ZNF644: variants seen among roughly 807,000 people sequenced by gnomAD.
The protein encoded by ZNF644 is zinc finger protein 644.
ZNF644 carries 20 observed loss-of-function variants against 108.0 expected under a neutral mutation model. The ratio of observed to expected loss-of-function variants is 0.19; its 90% CI spans 0.13 to 0.27. The LOEUF (loss-of-function observed/expected upper bound fraction) is 0.27. ZNF644 is among the 10% of genes least tolerant of loss of function. ZNF644 has a pLI of 1.00. For missense variants in ZNF644, 1,338 were observed against 1,548.9 expected, an observed-to-expected ratio of 0.86 and a Z score of 2.29; for synonymous variants, 542 against 539.1, an observed-to-expected ratio of 1.01 and a Z score of -0.08.
intron 2 of ZNF644, among the ~76,000 whole-genome samples, chr1:90,976,479 A>G (rs1000008657): frequency 1.3e-5 from 2 of 152,226 alleles, no homozygotes; most frequent in Non-Finnish European, 2.9e-5. Flanking sequence ...ATAGAAGGCT[A>G]AAGTATAGCC....
At chr1:91,021,720 G>A (rs1167609410) in intron 1 of ZNF644, 1 of 148,134 alleles carries the variant, frequency 6.8e-6, no homozygotes, top group East Asian at 1.7e-4. Context: ...CGACCGCCGC[G>A]GCCGCCGCCT....
chr1:90,930,639 T>C (rs943348182), intron 4 of ZNF644, among the ~76,000 whole-genome samples: 1 of 152,182 alleles, frequency 6.6e-6, no homozygotes. Flanking sequence ...AGCATTAATT[T>C]TTCACAACAA....
intron 2 of ZNF644, among the ~76,000 whole-genome samples, chr1:90,961,669 G>A (rs1296772297): frequency 6.6e-6 from 1 of 152,038 alleles, no homozygotes; most frequent in Non-Finnish European, 1.5e-5. Context: ...GTTCTGGAAT[G>A]TATATTTTTC....
At chr1:90,966,262 C>A (rs1053642839) in intron 2 of ZNF644, among the ~76,000 whole-genome samples, 1 of 152,112 alleles carries the variant, frequency 6.6e-6, no homozygotes, top group Non-Finnish European at 1.5e-5. Context: ...TCTCTATGCC[C>A]CTCTCTGCTG....
intron 4 of ZNF644, among the ~76,000 whole-genome samples, chr1:90,929,823 T>C (rs1328278639): frequency 6.6e-6 from 1 of 152,222 alleles, no homozygotes; most frequent in Middle Eastern, 3.2e-3. Context: ...CTACTACGAT[T>C]ACACTTAAAA....
chr1:90,996,737 T>C (rs1253406398), intron 1 of ZNF644, among the ~76,000 whole-genome samples: 1 of 152,188 alleles, frequency 6.6e-6, no homozygotes, highest in Non-Finnish European at 1.5e-5. Context: ...GCTATGACCA[T>C]GCCACTGCAC....
At position 90,916,448 on chromosome 1, in the gene ZNF644, G is replaced by C. The variant is rs1459744425; in HGVS notation, c.*350C>G. 1 of 229,682 alleles carries C rather than the reference G, an allele frequency of 4.4e-6. No homozygotes were observed. Among genetic ancestry groups the C allele is most frequent in the African/African-American group, 2.3e-5 (1 of 43,068 alleles). 14.2% of individuals were successfully genotyped at this position (229,682 alleles called of 1,614,324 possible). ...GCAAGTCTTGTGGGGAATAAACAGA[G>C]CCTTGATTCTGGTAACACTGCAAAA... On this transcript the variant is annotated 3_prime_UTR_variant, in exon 6 of 6. Coordinates refer to ENST00000337393, the MANE Select transcript of ZNF644 (RefSeq NM_201269.3).
intron 4 of ZNF644, among the ~76,000 whole-genome samples, chr1:90,927,322 G>T (rs565371003): frequency 6.6e-6 from 1 of 152,264 alleles, no homozygotes; most frequent in South Asian, 2.1e-4. Context: ...ACAGTTGGAG[G>T]TGAAAAAAGT....
rs568875630 is a variant in ZNF644, at chr1:91,010,974, G to A, written c.-18+11016C>T. Among the ~76,000 whole-genome samples the A allele has an allele frequency of 1.2e-3, 181 of 152,244 alleles. 1 individual carries two copies. The highest frequency in any genetic ancestry group is 4.3e-3 in the African/African-American group (178 of 41,552). ...GTAAACATAGAACACAAACTTGAGT[G>A]TATTTTTTTCTACATAGTCAGTTCT... On this transcript the variant is annotated intron_variant, in intron 1 of 5. Transcript: ENST00000337393.
intron 1 of ZNF644, among the ~76,000 whole-genome samples, chr1:91,013,686 T>C (rs768851262): frequency 1.3e-5 from 2 of 152,162 alleles, no homozygotes; most frequent in Non-Finnish European, 2.9e-5. Flanking sequence ...CTATACCCCA[T>C]AGGACTTACT....
chr1:90,996,027 A>T (rs908767802), intron 1 of ZNF644, among the ~76,000 whole-genome samples: 9 of 152,180 alleles, frequency 5.9e-5, no homozygotes, highest in Non-Finnish European at 1.2e-4. Context: ...CAGACACATA[A>T]ATACTGCACA....
chr1:90,922,585 C>CT (rs1649581052), intron 4 of ZNF644, among the ~76,000 whole-genome samples: 1 of 151,904 alleles, frequency 6.6e-6, no homozygotes, highest in Non-Finnish European at 1.5e-5. Flanking sequence ...AAACTCAACT[C>CT]TTTTTTTTAA....
rs1660400816 is a variant in ZNF644 at position 91,016,033 on chromosome 1, T to C, written c.-18+5957A>G. Among the ~76,000 whole-genome samples the C allele has an allele frequency of 2.6e-5, 4 of 152,322 alleles. No individual in the cohort carries two copies. In the South Asian group the frequency reaches 8.3e-4, roughly 32 times the overall value. On this transcript the variant is annotated intron_variant, in intron 1 of 5. Coordinates refer to ENST00000337393, the MANE Select transcript of ZNF644 (RefSeq NM_201269.3). ...TAAATCTGAACCCTGTCAATTTTAC[T>C]TCAAGGCTTACACTTTCAAACTTTA...
chr1:91,001,149 A>C (rs1168568058), intron 1 of ZNF644, among the ~76,000 whole-genome samples: 2 of 152,210 alleles, frequency 1.3e-5, no homozygotes, highest in African/African-American at 2.4e-5. Flanking sequence ...TATTCCAATC[A>C]ATAGGAAAAG....
rs143107360 is a variant in ZNF644 at position 90,943,974 on chromosome 1, C to T, written c.45-2665G>A. 2.0e-3 allele frequency among the ~76,000 whole-genome samples: 311 copies of T among 152,274 alleles called. 1 individual carries two copies. Among genetic ancestry groups the T allele is most frequent in the African/African-American group, 6.9e-3 (288 of 41,554 alleles). Reference sequence around the variant, plus strand: ...CTTGAAAGACAGTTACTTTCCTTTCCGTTCCCACTTATTATAATCACAGAG... The same window carrying T: ...CTTGAAAGACAGTTACTTTCCTTTCTGTTCCCACTTATTATAATCACAGAG... On this transcript the variant is annotated intron_variant, in intron 2 of 5. Transcript: ENST00000337393.
chr1:90,994,144 G>A (rs1657900771), intron 1 of ZNF644, among the ~76,000 whole-genome samples: 1 of 152,184 alleles, frequency 6.6e-6, no homozygotes, highest in African/African-American at 2.4e-5. Flanking sequence ...TGAATCCTCA[G>A]TGGAAACAGT....
intron 1 of ZNF644, among the ~76,000 whole-genome samples, chr1:90,983,500 AAG>A (rs1178062081): frequency 4.6e-5 from 7 of 151,128 alleles, no homozygotes; most frequent in South Asian, 2.1e-4. Flanking sequence ...AAAAAAAAAA[AAG>A]AAGAAGTCTT....
At chr1:90,930,125 A>C (rs1298317930) in intron 4 of ZNF644, among the ~76,000 whole-genome samples, 3 of 152,198 alleles carry the variant, frequency 2.0e-5, no homozygotes, top group Non-Finnish European at 4.4e-5. Flanking sequence ...CATCTCTACT[A>C]AAAATACAAA....
At chr1:90,932,088 C>G (rs1052755910) in intron 4 of ZNF644, among the ~76,000 whole-genome samples, 1 of 152,102 alleles carries the variant, frequency 6.6e-6, no homozygotes, top group African/African-American at 2.4e-5. Context: ...TTTAAGTTAC[C>G]AGTAAACAGG....
Sources: allele counts gnomAD v4.1 joint callset (sites outside exome capture counted in the v4.1 genomes callset), GRCh38; gene constraint gnomAD v4.1.1; transcripts MANE v1.5; gene names NCBI Gene and HGNC (gene_info 2026-07-23, HGNC 2026-07-21).